Variants in MYO16 observed in about 807,000 individuals in gnomAD.
MYO16 encodes the protein unconventional myosin-XVI.
In MYO16, 94 loss-of-function variants were observed where a neutral mutation model predicts 205.3. The ratio of observed to expected loss-of-function variants is 0.46; its 90% CI spans 0.39 to 0.54. MYO16 has a LOEUF of 0.54. Among genes scored for constraint, MYO16 ranks in the 20% least tolerant of loss-of-function variants. MYO16 has a pLI of 0.00. For missense variants in MYO16, 2,315 were observed against 2,387.5 expected (o/e 0.97, Z 0.63); for synonymous variants, 988 against 954.0 (o/e 1.04, Z -0.66).
intron 33 of MYO16, chr13:109,167,379 TA>T (rs11299162): frequency 0.7 from 104,668 of 150,234 alleles, 37,663 homozygotes; most frequent in Non-Finnish European, 0.82. Flanking sequence ...GTGTTGAGGT[TA>T]AAAAAAAAAA....
intron 27 of MYO16, among the ~76,000 whole-genome samples, chr13:109,066,474 T>G (rs1227897169): frequency 1.3e-5 from 2 of 152,178 alleles, no homozygotes; most frequent in African/African-American, 4.8e-5. Flanking sequence ...GACCTGTAAC[T>G]TTTCAATGAA....
In MYO16 at chr13:109,207,082, C is replaced by A. The variant is rs117287159; in HGVS notation, c.*246C>A. On this transcript the variant is annotated 3_prime_UTR_variant, in exon 35 of 35. Coordinates refer to ENST00000457511, the MANE Select transcript of MYO16 (RefSeq NM_001198950.3). ...TGATTTTCAAGCTCCTCATTTACGG[C>A]TCTGTGCTACCCCTAGGTAGCAAGA... 9.3e-3 allele frequency: 4,455 copies of A among 479,946 alleles called. 38 individuals are homozygous for A. The highest frequency in any genetic ancestry group is 0.014 in the Non-Finnish European group (3,599 of 264,734). 29.7% of individuals were successfully genotyped at this position (479,946 alleles called of 1,614,324 possible). A position where few individuals can be genotyped will look rare whatever the true frequency, so the allele number is the denominator to read the frequency against.
chr13:108,823,412 T>C, intron 9 of MYO16, 134 bp downstream of exon 9: 2 of 717,578 alleles, frequency 2.8e-6, no homozygotes, highest in Non-Finnish European at 4.2e-6. Flanking sequence ...TACCAAAGAA[T>C]ACTTGTTTAC....
intron 1 of MYO16, among the ~76,000 whole-genome samples, chr13:108,621,543 C>T (rs1879541501): frequency 1.3e-5 from 2 of 152,112 alleles, no homozygotes; most frequent in Admixed American, 1.3e-4. Flanking sequence ...ATGAATCATC[C>T]TTTTGTCCAT....
At chr13:108,882,923 T>A in intron 12 of MYO16, 136 bp from the exon 13 acceptor site, 1 of 1,258,798 alleles carries the variant, frequency 7.9e-7, no homozygotes, top group East Asian at 2.4e-5. Flanking sequence ...TACAAATGTT[T>A]TTACATACCA....
intron 20 of MYO16, among the ~76,000 whole-genome samples, chr13:108,986,390 A>G (rs548936690): frequency 6.6e-6 from 1 of 152,258 alleles, no homozygotes; most frequent in East Asian, 1.9e-4. Context: ...AGGGAGGCTG[A>G]GGTGGATGGA....
rs183533197 is a variant in MYO16, at chr13:108,877,773, C to T, written c.1426-5286C>T. Among the ~76,000 whole-genome samples, 534 of 152,252 alleles carry T rather than the reference C, an allele frequency of 3.5e-3. 2 individuals carry two copies. Among genetic ancestry groups the T allele is most frequent in the Non-Finnish European group, 5.9e-3 (401 of 68,016 alleles). On this transcript the variant is annotated intron_variant, in intron 12 of 34. Transcript: ENST00000457511. ...GATTACATGCACAGCTTATACACTT[C>T]TCTGTCTTTGCTTATTTTCTATTAT...
Position 108,964,778 on chromosome 13 carries a change from C to T in MYO16, c.2245C>T (p.Arg749Ter), listed in dbSNP as rs749633117. The change falls in exon 20 of 35, where the codon CGA (arginine) becomes TGA (stop). Residue 749 changes from arginine to a stop codon, truncating the protein, a stop_gained. Coordinates refer to ENST00000457511, the MANE Select transcript of MYO16 (RefSeq NM_001198950.3). LOFTEE classifies it high-confidence loss of function. ...QYFKGDMIIR[R>*]HTIQIAEFFR... ...CATTTTAGGGGATATGATAATACGA[C>T]GACATACCATACAGATTGCTGAGTT... The T allele has an allele frequency of 2.5e-6, 4 of 1,614,022 alleles. No individual in the cohort carries two copies. The highest frequency in any genetic ancestry group is 3.4e-6 in the Non-Finnish European group (4 of 1,179,960).
chr13:109,087,089 G>A (rs571700203), intron 27 of MYO16, among the ~76,000 whole-genome samples: 2 of 152,268 alleles, frequency 1.3e-5, no homozygotes, highest in East Asian at 1.9e-4. Flanking sequence ...CCAAACTCTA[G>A]CTCTTAATTC....
chr13:108,761,344 T>G (rs1437733843), intron 4 of MYO16, among the ~76,000 whole-genome samples: 1 of 151,838 alleles, frequency 6.6e-6, no homozygotes, highest in African/African-American at 2.4e-5. Context: ...GCAAACAGAT[T>G]TGATCATGGA....
chr13:109,146,312 T>C (rs761417123), intron 32 of MYO16, among the ~76,000 whole-genome samples: 3 of 152,234 alleles, frequency 2.0e-5, no homozygotes, highest in Non-Finnish European at 2.9e-5. Flanking sequence ...ATACTTTTAT[T>C]CCATAGGGCC....
intron 2 of MYO16, 117 bp from the exon 3 acceptor site, chr13:108,712,544 T>C: frequency 1.2e-6 from 1 of 845,092 alleles, no homozygotes; most frequent in Non-Finnish European, 2.1e-6. Flanking sequence ...ACAGAAGCCG[T>C]AGTCTTTGGT....
At chr13:108,831,229 T>C (rs1325394388) in intron 9 of MYO16, among the ~76,000 whole-genome samples, 2 of 152,164 alleles carry the variant, frequency 1.3e-5, no homozygotes, top group Non-Finnish European at 2.9e-5. Context: ...TCCTGGCCAC[T>C]AAAACACATG....
In MYO16 at chr13:109,108,279, A is replaced by G. The variant is rs531550182; in HGVS notation, c.3438+7392A>G. Among the ~76,000 whole-genome samples the G allele has an allele frequency of 4.6e-5, 7 of 152,370 alleles. No homozygotes were observed. The East Asian group carries it at 1.2e-3, about 25-fold the overall frequency. ...GTTTGTTGAATGAATGAATGAATAAATGAACCTCCTACTGATGACCACATC... is the reference window on the plus strand; with the variant it reads ...GTTTGTTGAATGAATGAATGAATAAGTGAACCTCCTACTGATGACCACATC... On this transcript the variant is annotated intron_variant, in intron 28 of 34. Coordinates refer to ENST00000457511, the MANE Select transcript of MYO16 (RefSeq NM_001198950.3).
At chr13:108,952,893 A>G (rs1219937598) in intron 16 of MYO16, among the ~76,000 whole-genome samples, 2 of 152,322 alleles carry the variant, frequency 1.3e-5, no homozygotes, top group East Asian at 3.9e-4. Flanking sequence ...TGAACGCTAG[A>G]GGTTATGTGA....
chr13:109,036,595 G>A (rs143161523), intron 23 of MYO16, among the ~76,000 whole-genome samples: 373 of 152,206 alleles, frequency 2.5e-3, no homozygotes, highest in Admixed American at 4.0e-3. Context: ...GCTAACTGCC[G>A]CAGCATAAGC....
chr13:108,804,021 G>C (rs1798177306), intron 6 of MYO16, among the ~76,000 whole-genome samples: 2 of 152,160 alleles, frequency 1.3e-5, no homozygotes, highest in South Asian at 2.1e-4. Flanking sequence ...TGACCTCACT[G>C]TGTGTCCACT....
intron 23 of MYO16, among the ~76,000 whole-genome samples, chr13:109,022,319 A>ATACAAATATATTG (rs1886070637): frequency 8.2e-6 from 1 of 122,280 alleles, no homozygotes; most frequent in South Asian, 2.4e-4. Flanking sequence ...TATATATTAT[A>ATACAAATATATTG]TACAAATATA....
chr13:109,012,978 T>C (rs1269044659), intron 22 of MYO16, among the ~76,000 whole-genome samples: 2 of 151,842 alleles, frequency 1.3e-5, no homozygotes, highest in African/African-American at 4.8e-5. Context: ...GTTTTTGCTT[T>C]TTATACTTTA....
Sources: allele counts gnomAD v4.1 joint callset (sites outside exome capture counted in the v4.1 genomes callset), GRCh38; gene constraint gnomAD v4.1.1; transcripts MANE v1.5; gene names NCBI Gene and HGNC (gene_info 2026-07-23, HGNC 2026-07-21).